Variants in GFRA1 observed in about 807,000 individuals in gnomAD.
The protein encoded by GFRA1 is GDNF family receptor alpha 1, also known as GDNF family receptor alpha-1.
Under a neutral mutation model 51.6 loss-of-function variants are expected in GFRA1, and 16 were observed. The observed-to-expected ratio is 0.31, with a 90% CI of 0.21 to 0.47. GFRA1 has a LOEUF of 0.47. Ranked by LOEUF, GFRA1 falls within the 20% of genes least tolerant of loss-of-function variation. GFRA1 has a pLI of 1.00. For synonymous variants in GFRA1, 270 were observed against 241.3 expected (o/e 1.12, Z -1.10); for missense variants, 530 against 594.3 (o/e 0.89, Z 1.13).
At chr10:116,072,502 C>G (rs1440932285) in intron 9 of GFRA1, among the ~76,000 whole-genome samples, 1 of 152,138 alleles carries the variant, frequency 6.6e-6, no homozygotes, top group Non-Finnish European at 1.5e-5. Context: ...TGGCTCACTA[C>G]TGTAATCCCA....
chr10:116,256,175 C>T (rs1968837064), intron 4 of GFRA1, among the ~76,000 whole-genome samples: 1 of 152,164 alleles, frequency 6.6e-6, no homozygotes, highest in Non-Finnish European at 1.5e-5. Context: ...TAGAACGTTG[C>T]AAGTAACTAT....
In GFRA1 at chr10:116,143,568, C is replaced by T. The variant is rs555927276; in HGVS notation, c.434-18011G>A. ...CTGAGCCGATGACAAAATATCCATA[C>T]GTTGCAACTGCTACCTGAATGTTAT... is the stretch of plus-strand genomic sequence containing the variant. On this transcript the variant is annotated intron_variant, in intron 5 of 10. Coordinates refer to ENST00000355422, the MANE Select transcript of GFRA1 (RefSeq NM_005264.8). Among the ~76,000 whole-genome samples the T allele has an allele frequency of 5.9e-5, 9 of 152,228 alleles. No individual in the cohort carries two copies. In the South Asian group the frequency reaches 6.2e-4, roughly 11 times the overall value.
intron 5 of GFRA1, among the ~76,000 whole-genome samples, chr10:116,183,479 A>C (rs929580068): frequency 9.8e-5 from 15 of 152,286 alleles, no homozygotes; most frequent in African/African-American, 3.1e-4. Context: ...AGTTATGTGA[A>C]TGTGAAACCT....
intron 5 of GFRA1, among the ~76,000 whole-genome samples, chr10:116,199,729 G>C (rs1964177587): frequency 6.6e-6 from 1 of 151,904 alleles, no homozygotes; most frequent in Admixed American, 6.6e-5. Context: ...TTTCCTTTTA[G>C]AGTGAAATTT....
chr10:116,200,724 T>C (rs1352261835), intron 5 of GFRA1, among the ~76,000 whole-genome samples: 1 of 152,220 alleles, frequency 6.6e-6, no homozygotes, highest in Non-Finnish European at 1.5e-5. Flanking sequence ...CTGGTCTTTT[T>C]TTATAAGGGT....
intron 6 of GFRA1, among the ~76,000 whole-genome samples, chr10:116,123,255 C>T (rs922216721): frequency 6.6e-6 from 1 of 152,194 alleles, no homozygotes; most frequent in Non-Finnish European, 1.5e-5. Flanking sequence ...GCTAAGAGGG[C>T]CTCAATGAAA....
intron 4 of GFRA1, among the ~76,000 whole-genome samples, chr10:116,231,838 C>T (rs1966697110): frequency 6.6e-6 from 1 of 152,206 alleles, no homozygotes; most frequent in Non-Finnish European, 1.5e-5. Context: ...TCGACCCGGG[C>T]ACACAAGCTT....
At chr10:116,069,514 G>A (rs1955276752) in intron 9 of GFRA1, among the ~76,000 whole-genome samples, 1 of 152,152 alleles carries the variant, frequency 6.6e-6, no homozygotes, top group South Asian at 2.1e-4. Flanking sequence ...TGTCTCTCCA[G>A]CAGCTGTTGC....
At chr10:116,080,065 C>T (rs1413127349) in intron 9 of GFRA1, among the ~76,000 whole-genome samples, 1 of 152,124 alleles carries the variant, frequency 6.6e-6, no homozygotes, top group Non-Finnish European at 1.5e-5. Context: ...TCCTTAAGGG[C>T]ACTTCTCTGA....
intron 6 of GFRA1, among the ~76,000 whole-genome samples, chr10:116,117,129 G>GATCATCCC (rs1328395138): frequency 6.6e-6 from 1 of 152,188 alleles, no homozygotes; most frequent in Non-Finnish European, 1.5e-5. Flanking sequence ...CCACTCCACT[G>GATCATCCC]ATCATCCCCT....
chr10:116,169,040 G>A (rs1441190975), intron 5 of GFRA1, among the ~76,000 whole-genome samples: 1 of 152,144 alleles, frequency 6.6e-6, no homozygotes, highest in Non-Finnish European at 1.5e-5. Context: ...AGGGCAGTGG[G>A]CTGGGCCCCA....
intron 4 of GFRA1, among the ~76,000 whole-genome samples, chr10:116,233,096 GC>G (rs1966783360): frequency 6.6e-6 from 1 of 152,156 alleles, no homozygotes; most frequent in Non-Finnish European, 1.5e-5. Context: ...GGAGGCCGAG[GC>G]AGGCAGATCA....
intron 4 of GFRA1, chr10:116,255,664 C>G: frequency 7.8e-7 from 1 of 1,289,080 alleles, no homozygotes. Context: ...CCCCACATTC[C>G]GGTCTCTGCC....
At chr10:116,155,002 T>C (rs1959172503) in intron 5 of GFRA1, among the ~76,000 whole-genome samples, 1 of 152,136 alleles carries the variant, frequency 6.6e-6, no homozygotes, top group African/African-American at 2.4e-5. Context: ...ACCTACTTTC[T>C]GGAAGAGGAT....
chr10:116,266,822 T>G (rs1643880568), intron 4 of GFRA1, among the ~76,000 whole-genome samples: 1 of 152,206 alleles, frequency 6.6e-6, no homozygotes, highest in African/African-American at 2.4e-5. Context: ...TTGAAATGAT[T>G]GCAAGGGTAG....
chr10:116,118,664 G>A (rs917102318), intron 6 of GFRA1, among the ~76,000 whole-genome samples: 3 of 152,050 alleles, frequency 2.0e-5, no homozygotes, highest in Non-Finnish European at 4.4e-5. Flanking sequence ...TTTTCCATCC[G>A]CATTCACACT....
intron 9 of GFRA1, among the ~76,000 whole-genome samples, chr10:116,074,229 T>G (rs1170106924): frequency 6.6e-6 from 1 of 152,158 alleles, no homozygotes; most frequent in Non-Finnish European, 1.5e-5. Context: ...TTGAAGAGGC[T>G]GCGCTGAGAT....
intron 3 of GFRA1, among the ~76,000 whole-genome samples, chr10:116,269,898 T>C (rs1298326663): frequency 1.3e-5 from 2 of 152,104 alleles, no homozygotes; most frequent in Non-Finnish European, 2.9e-5. Flanking sequence ...TCACGAGCCC[T>C]GCTTGCCTCC....
chr10:116,102,233 T>C (rs550232940), intron 6 of GFRA1, among the ~76,000 whole-genome samples: 78 of 152,324 alleles, frequency 5.1e-4, no homozygotes, highest in African/African-American at 1.5e-3. Flanking sequence ...TCTGGGATTG[T>C]ATTACAGTCA....
Sources: gnomAD v4.1 joint callset for allele counts (sites outside exome capture counted in the v4.1 genomes callset) on GRCh38, gnomAD v4.1.1 for gene constraint, MANE v1.5 for transcripts, NCBI Gene and HGNC (gene_info 2026-07-23, HGNC 2026-07-21) for gene names.